CDH4: variants seen among roughly 807,000 people sequenced by gnomAD.
CDH4 encodes the protein cadherin-4.
Under a neutral mutation model 86.0 loss-of-function variants are expected in CDH4, and 33 were observed. The ratio of observed to expected loss-of-function variants is 0.38; its 90% CI spans 0.29 to 0.51. The LOEUF is 0.51. Among genes scored for constraint, CDH4 ranks in the 20% least tolerant of loss-of-function variants. CDH4 has a pLI of 0.86. For missense variants in CDH4, 1,114 were observed against 1,307.4 expected (o/e 0.85, Z 2.28); for synonymous variants, 555 against 549.4 (o/e 1.01, Z -0.14).
chr20:61,484,811 A>G (rs2085587203), intron 2 of CDH4, among the ~76,000 whole-genome samples: 1 of 152,142 alleles, frequency 6.6e-6, no homozygotes. Flanking sequence ...GCATCATCAC[A>G]GTGTTGAGCC....
chr20:61,362,660 C>T (rs1487686762), intron 2 of CDH4, among the ~76,000 whole-genome samples: 1 of 151,992 alleles, frequency 6.6e-6, no homozygotes, highest in African/African-American at 2.4e-5. Context: ...GCAAAGGGGA[C>T]TTGAGGTGAA....
chr20:61,368,668 C>T (rs2084823514), intron 2 of CDH4, among the ~76,000 whole-genome samples: 1 of 152,132 alleles, frequency 6.6e-6, no homozygotes, highest in Non-Finnish European at 1.5e-5. Flanking sequence ...AGGCATGTGC[C>T]ACCATGCCAG....
intron 2 of CDH4, among the ~76,000 whole-genome samples, chr20:61,475,810 G>A (rs920034815): frequency 2.0e-5 from 3 of 150,880 alleles, no homozygotes; most frequent in Non-Finnish European, 4.4e-5. Context: ...GGTTGATCAC[G>A]AACTACAAAT....
intron 2 of CDH4, among the ~76,000 whole-genome samples, chr20:61,255,814 G>A (rs950307273): frequency 3.9e-5 from 6 of 152,348 alleles, no homozygotes; most frequent in African/African-American, 1.4e-4. Flanking sequence ...ATGCATGTGC[G>A]TGAACTCGCT....
intron 2 of CDH4, among the ~76,000 whole-genome samples, chr20:61,699,054 C>T (rs1041925763): frequency 2.0e-5 from 3 of 152,242 alleles, no homozygotes; most frequent in African/African-American, 4.8e-5. Flanking sequence ...TCATGTGGAA[C>T]GTGTTTACAG....
intron 2 of CDH4, among the ~76,000 whole-genome samples, chr20:61,534,225 G>A (rs1234432758): frequency 1.3e-5 from 2 of 152,174 alleles, no homozygotes; most frequent in African/African-American, 4.8e-5. Context: ...ATTACTTTGT[G>A]GCTTAAAATA....
At chr20:61,619,095 A>G (rs1235580318) in intron 2 of CDH4, among the ~76,000 whole-genome samples, 3 of 152,218 alleles carry the variant, frequency 2.0e-5, no homozygotes, top group Non-Finnish European at 4.4e-5. Context: ...GCCCAGCTGC[A>G]GTTGCACACC....
chr20:61,293,734 C>T (rs1568785189), intron 2 of CDH4, among the ~76,000 whole-genome samples: 1 of 152,168 alleles, frequency 6.6e-6, no homozygotes, highest in African/African-American at 2.4e-5. Flanking sequence ...AAATTATGAG[C>T]CCTTCAGCCT....
chr20:61,402,937 T>A (rs2085057673), intron 2 of CDH4, among the ~76,000 whole-genome samples: 1 of 152,180 alleles, frequency 6.6e-6, no homozygotes, highest in East Asian at 1.9e-4. Flanking sequence ...CATAGGACAA[T>A]AATCCACCCA....
At chr20:61,500,991 G>T (rs777504627) in intron 2 of CDH4, among the ~76,000 whole-genome samples, 1 of 152,194 alleles carries the variant, frequency 6.6e-6, no homozygotes, top group Non-Finnish European at 1.5e-5. Flanking sequence ...CCTTGACATC[G>T]TGTCATTCCT....
chr20:61,439,422 A>G (rs2085303092), intron 2 of CDH4, among the ~76,000 whole-genome samples: 1 of 152,196 alleles, frequency 6.6e-6, no homozygotes, highest in South Asian at 2.1e-4. Flanking sequence ...AGTGGGGTTA[A>G]GGCTGGCATC....
chr20:61,842,578 A>G (rs1452209255), intron 4 of CDH4, among the ~76,000 whole-genome samples: 2 of 152,260 alleles, frequency 1.3e-5, no homozygotes, highest in East Asian at 1.9e-4. Flanking sequence ...ATTTCATACA[A>G]TTTTCACCTA....
intron 2 of CDH4, among the ~76,000 whole-genome samples, chr20:61,281,217 G>A (rs895115509): frequency 6.6e-6 from 1 of 152,150 alleles, no homozygotes; most frequent in Admixed American, 6.6e-5. Context: ...CAATGTTGGA[G>A]TTCTCCCCAG....
chr20:61,258,341 A>AAAAAAAG lies in CDH4; in HGVS notation c.169+3408_169+3409insAAGAAAA, dbSNP rs1159729342. 5.8e-5 allele frequency among the ~76,000 whole-genome samples: 7 copies of AAAAAAAG among 120,076 alleles called. No homozygotes were observed. In the East Asian group the frequency reaches 6.2e-4, roughly 11 times the overall value. The allele number at this position is 120,076 out of a possible 152,430, so 78.8% of individuals were successfully genotyped here. On this transcript the variant is annotated intron_variant, in intron 2 of 15. Transcript: ENST00000614565. ...CGAGACTCCGTCTCAAAAAAAAAAAAAAAAGAAAAAAAAAAAAGAAAGAGG... is the reference window on the plus strand; with the variant it reads ...CGAGACTCCGTCTCAAAAAAAAAAAAAAAAAAGAAAAGAAAAAAAAAAAAGAAAGAGG...
intron 4 of CDH4, among the ~76,000 whole-genome samples, chr20:61,837,489 T>A (rs1478247031): frequency 1.3e-5 from 2 of 152,202 alleles, no homozygotes; most frequent in Non-Finnish European, 2.9e-5. Context: ...AGTCCCTCCA[T>A]CTTCAGAATG....
rs556373094 is a variant in CDH4, at chr20:61,387,828, C to T, written c.169+132891C>T. Among the ~76,000 whole-genome samples, 244 of 152,308 alleles carry T rather than the reference C, an allele frequency of 1.6e-3. 1 individual carries two copies. Among genetic ancestry groups the T allele is most frequent in the African/African-American group, 5.6e-3 (234 of 41,558 alleles). ...CCCGCACCGGCCCGTGGCCCTGCCC[C>T]TTCCTTCCCACTCCTTCCCGGCCCC... On this transcript the variant is annotated intron_variant, in intron 2 of 15. Transcript: ENST00000614565.
chr20:61,330,682 A>C (rs529633783), intron 2 of CDH4, among the ~76,000 whole-genome samples: 1 of 152,294 alleles, frequency 6.6e-6, no homozygotes, highest in South Asian at 2.1e-4. Context: ...CATTCCCACG[A>C]ACGGGGTCAG....
Position 61,844,740 on chromosome 20 carries a change from A to G in CDH4, c.649A>G (p.Met217Val), listed in dbSNP as rs1600705904. The G allele has an allele frequency of 1.9e-6, 3 of 1,613,920 alleles. No homozygotes were observed. The highest frequency in any genetic ancestry group is 2.5e-6 in the Non-Finnish European group (3 of 1,179,918). ...GGGAGTGGGCGCCGACCAGCCCCCC[A>G]TGGAGGTCTTCAGCATTGACTCCAT... is the stretch of plus-strand genomic sequence containing the variant. The part of the protein sequence containing the change: ...ITGVGADQPP[M>V]EVFSIDSMSG... The change falls in exon 5 of 16, where the codon ATG becomes GTG. Residue 217 changes from methionine to valine, a missense_variant. This residue lies in a region of CDH4 where 705 missense variants were observed against 914.1 expected (regional missense o/e 0.77). Coordinates refer to ENST00000614565, the MANE Select transcript of CDH4 (RefSeq NM_001794.5).
chr20:61,826,777 A>C (rs992091421), intron 4 of CDH4, among the ~76,000 whole-genome samples: 1 of 152,156 alleles, frequency 6.6e-6, no homozygotes, highest in Non-Finnish European at 1.5e-5. Context: ...CAGGCTGCCC[A>C]CCTTGCTCAC....
Sources: allele counts gnomAD v4.1 joint callset (sites outside exome capture counted in the v4.1 genomes callset), GRCh38; gene constraint gnomAD v4.1.1; regional missense constraint gnomAD v4.1.1; transcripts MANE v1.5; gene names NCBI Gene and HGNC (gene_info 2026-07-23, HGNC 2026-07-21).